Variants in MSI2 observed in about 807,000 individuals in gnomAD.
MSI2 encodes the protein RNA-binding protein Musashi homolog 2.
A neutral mutation model predicts 45.6 loss-of-function variants in MSI2; 17 were observed. The ratio of observed to expected loss-of-function variants is 0.37; its 90% CI spans 0.26 to 0.56. The LOEUF (loss-of-function observed/expected upper bound fraction) is 0.56, where lower values mean the gene tolerates loss of function less well. MSI2 is among the 20% of genes least tolerant of loss of function. The pLI, the probability that MSI2 is intolerant of heterozygous loss-of-function variation, is 0.77. For synonymous variants in MSI2, 156 were observed against 158.2 expected, an observed-to-expected ratio of 0.99 and a Z score of 0.11; for missense variants, 293 against 444.2, an observed-to-expected ratio of 0.66 and a Z score of 3.06.
At chr17:57,511,547 C>T (rs1435380070) in intron 6 of MSI2, among the ~76,000 whole-genome samples, 2 of 152,268 alleles carry the variant, frequency 1.3e-5, no homozygotes, top group Admixed American at 6.5e-5. Flanking sequence ...GCTCCTGGAG[C>T]GGGGTGTTGC....
At chr17:57,501,913 A>G (rs2086114770) in intron 6 of MSI2, among the ~76,000 whole-genome samples, 1 of 152,222 alleles carries the variant, frequency 6.6e-6, no homozygotes, top group Non-Finnish European at 1.5e-5. Context: ...TTACAGGTCT[A>G]TTTCAATTTT....
intron 6 of MSI2, among the ~76,000 whole-genome samples, chr17:57,507,241 GTGT>G (rs2086256312): frequency 9.2e-6 from 1 of 108,376 alleles, no homozygotes; most frequent in Non-Finnish European, 1.9e-5. Context: ...GTGTGTGTGT[GTGT>G]GTGTGTGTGT....
At position 57,681,798 on chromosome 17, in the gene MSI2, CAACAA is replaced by C. The variant is rs1180229271; in HGVS notation, c.*2286_*2290del. ...ATCAAAACTTGTTCAAGTCATAAAA[CAACAA>C]AACATAAGTTTTATTTAAAAAAAAA... On this transcript the variant is annotated 3_prime_UTR_variant, in exon 14 of 14. Coordinates refer to ENST00000284073, the MANE Select transcript of MSI2 (RefSeq NM_138962.4). 1.2e-5 allele frequency: 2 copies of C among 166,040 alleles called. No individual in the cohort carries two copies. Among genetic ancestry groups the C allele is most frequent in the Non-Finnish European group, 2.4e-5 (2 of 82,702 alleles). The allele number at this position is 166,040 out of a possible 1,614,324, so 10.3% of individuals were successfully genotyped here. A position where few individuals can be genotyped will look rare whatever the true frequency, so the allele number is the denominator to read the frequency against.
chr17:57,386,999 C>G (rs570536628), intron 5 of MSI2, among the ~76,000 whole-genome samples: 2 of 152,150 alleles, frequency 1.3e-5, no homozygotes, highest in Non-Finnish European at 2.9e-5. Flanking sequence ...GAGAGCCACA[C>G]GCCATTTGCT....
chr17:57,508,405 T>C (rs2086283162), intron 6 of MSI2, among the ~76,000 whole-genome samples: 2 of 152,164 alleles, frequency 1.3e-5, no homozygotes, highest in African/African-American at 4.8e-5. Flanking sequence ...AATCAACACA[T>C]TTTCTTCACT....
intron 5 of MSI2, among the ~76,000 whole-genome samples, chr17:57,331,063 A>G (rs1450207940): frequency 6.6e-6 from 1 of 151,828 alleles, no homozygotes; most frequent in African/African-American, 2.4e-5. Context: ...ACAGGCACGC[A>G]CCACCATGCC....
intron 10 of MSI2, among the ~76,000 whole-genome samples, chr17:57,637,307 G>A (rs942161396): frequency 3.3e-5 from 5 of 152,246 alleles, no homozygotes; most frequent in Non-Finnish European, 7.3e-5. Context: ...ACCGCGGCAC[G>A]AGGCTCGTCG....
intron 5 of MSI2, among the ~76,000 whole-genome samples, chr17:57,357,368 G>A (rs1313695022): frequency 6.6e-6 from 1 of 152,068 alleles, no homozygotes; most frequent in Non-Finnish European, 1.5e-5. Context: ...AACAACATTA[G>A]GAAGTGGGTG....
chr17:57,348,628 G>A (rs756740460), intron 5 of MSI2, among the ~76,000 whole-genome samples: 9 of 151,968 alleles, frequency 5.9e-5, no homozygotes, highest in Middle Eastern at 3.4e-3. Flanking sequence ...TTCCCCCTCC[G>A]CCATGATTAG....
intron 6 of MSI2, among the ~76,000 whole-genome samples, chr17:57,521,008 G>T (rs2086572862): frequency 6.6e-6 from 1 of 152,116 alleles, no homozygotes; most frequent in Non-Finnish European, 1.5e-5. Context: ...TTGTTAGTCA[G>T]TAAAGGCCTG....
At chr17:57,419,887 G>A (rs201661359) in intron 6 of MSI2, among the ~76,000 whole-genome samples, 3 of 152,310 alleles carry the variant, frequency 2.0e-5, no homozygotes, top group Admixed American at 6.5e-5. Flanking sequence ...CCCTGAGTCC[G>A]CACTGCTGCC....
intron 6 of MSI2, among the ~76,000 whole-genome samples, chr17:57,498,914 C>T (rs2086038054): frequency 8.1e-6 from 1 of 122,938 alleles, no homozygotes; most frequent in African/African-American, 3.0e-5. Context: ...CTGTCCCTCC[C>T]CCCTCCCCCC....
chr17:57,634,049 T>C (rs1383118688), intron 10 of MSI2, among the ~76,000 whole-genome samples: 8 of 152,114 alleles, frequency 5.3e-5, no homozygotes, highest in Admixed American at 5.2e-4. Flanking sequence ...GGTACTGAAA[T>C]AGGTACCAGA....
In MSI2 at chr17:57,375,493, C is replaced by T. The variant is rs80027555; in HGVS notation, c.313-25886C>T. Among the ~76,000 whole-genome samples the T allele has an allele frequency of 3.1e-3, 473 of 152,234 alleles. 4 individuals carry two copies. Among genetic ancestry groups the T allele is most frequent in the African/African-American group, 0.011 (447 of 41,540 alleles). ...AGCGAGTAGAAATGGTGATGGAATA[C>T]GGAGGATTGTATGCCAGGCAGCATG... On this transcript the variant is annotated intron_variant, in intron 5 of 13. Transcript: ENST00000284073.
intron 6 of MSI2, among the ~76,000 whole-genome samples, chr17:57,524,204 A>G (rs2086652183): frequency 6.6e-6 from 1 of 152,238 alleles, no homozygotes; most frequent in African/African-American, 2.4e-5. Flanking sequence ...AATCCTCTTA[A>G]GGCTAGGCCC....
At chr17:57,451,930 C>A (rs933430056) in intron 6 of MSI2, among the ~76,000 whole-genome samples, 2 of 152,158 alleles carry the variant, frequency 1.3e-5, no homozygotes, top group African/African-American at 4.8e-5. Flanking sequence ...CAAAATGAAG[C>A]CTTGGGGAAG....
chr17:57,337,704 A>G (rs769141607), intron 5 of MSI2, among the ~76,000 whole-genome samples: 1 of 152,180 alleles, frequency 6.6e-6, no homozygotes, highest in Non-Finnish European at 1.5e-5. Flanking sequence ...TTGCCAAGCC[A>G]AAACAGCGGC....
chr17:57,598,966 A>G (rs1253422829), intron 8 of MSI2, among the ~76,000 whole-genome samples: 1 of 152,190 alleles, frequency 6.6e-6, no homozygotes, highest in African/African-American at 2.4e-5. Flanking sequence ...CCCGACCAGT[A>G]CTAGCTATTT....
At chr17:57,437,596 AC>A (rs1298010760) in intron 6 of MSI2, among the ~76,000 whole-genome samples, 2 of 152,110 alleles carry the variant, frequency 1.3e-5, no homozygotes, top group Non-Finnish European at 2.9e-5. Flanking sequence ...TTTTCTTCAA[AC>A]TTTTGTCCTT....
Sources: allele counts gnomAD v4.1 joint callset (sites outside exome capture counted in the v4.1 genomes callset), GRCh38; gene constraint gnomAD v4.1.1; transcripts MANE v1.5; gene names NCBI Gene and HGNC (gene_info 2026-07-23, HGNC 2026-07-21).